SRPK2: variants seen among roughly 807,000 people sequenced by gnomAD.
The protein encoded by SRPK2 is SRSF protein kinase 2, also known as SFRS protein kinase 2.
In SRPK2, 21 loss-of-function variants were observed where a neutral mutation model predicts 90.8. The observed-to-expected ratio is 0.23, with a 90% CI of 0.16 to 0.33. The LOEUF is 0.33. Among genes scored for constraint, SRPK2 ranks in the 10% least tolerant of loss-of-function variants. The pLI, the probability that SRPK2 is intolerant of heterozygous loss-of-function variation, is 1.00. For synonymous variants in SRPK2, 288 were observed against 311.1 expected, an observed-to-expected ratio of 0.93 and a Z score of 0.78; for missense variants, 620 against 869.0, an observed-to-expected ratio of 0.71 and a Z score of 3.60.
In SRPK2 at chr7:105,367,205, G is replaced by C. The variant is rs1043217926; in HGVS notation, c.71+21443C>G. Among the ~76,000 whole-genome samples, 15 of 152,096 alleles carry C rather than the reference G, an allele frequency of 9.9e-5. No homozygotes were observed. In the East Asian group the frequency reaches 2.7e-3, roughly 27 times the overall value. ...CCTGGCAGAGATCACTTTTTACCAA[G>C]ATACGCAATTTACTGGAGACAAGCT... is the stretch of plus-strand genomic sequence containing the variant. On this transcript the variant is annotated intron_variant, in intron 2 of 15. Coordinates refer to ENST00000393651, the MANE Select transcript of SRPK2 (RefSeq NM_182692.3).
At chr7:105,326,285 C>T (rs1214891301) in intron 2 of SRPK2, among the ~76,000 whole-genome samples, 1 of 152,196 alleles carries the variant, frequency 6.6e-6, no homozygotes. Context: ...ACTTTTACCA[C>T]TCTATAATCC....
At chr7:105,384,972 G>A (rs1446829677) in intron 2 of SRPK2, among the ~76,000 whole-genome samples, 1 of 151,320 alleles carries the variant, frequency 6.6e-6, no homozygotes, top group African/African-American at 2.4e-5. Flanking sequence ...CGCCTCCCGG[G>A]TTCACGCCAT....
upstream of SRPK2, chr7:105,389,066 C>T (rs1237547606): frequency 4.1e-6 from 4 of 970,832 alleles, no homozygotes; most frequent in South Asian, 4.7e-5. Flanking sequence ...CCCGCCCCAC[C>T]CACCTGTGCA....
chr7:105,278,722 G>A (rs1013387618), intron 2 of SRPK2, among the ~76,000 whole-genome samples: 3 of 151,084 alleles, frequency 2.0e-5, no homozygotes, highest in Non-Finnish European at 4.4e-5. Flanking sequence ...GAGGAAAGGG[G>A]AAAGGGGGAA....
rs1282643423 is a variant in SRPK2, at chr7:105,385,168, G to A, written c.71+3480C>T. On this transcript the variant is annotated intron_variant, in intron 2 of 15. Transcript: ENST00000393651. ...ATTACAGGCGTGAGCCACCGCGCCC[G>A]GCATTTTTTTTTTTTTTTTTTTTTT... Among the ~76,000 whole-genome samples the A allele has an allele frequency of 5.2e-5, 6 of 116,140 alleles. 1 individual carries two copies. Among genetic ancestry groups the A allele is most frequent in the Admixed American group, 1.0e-4 (1 of 9,706 alleles). The allele number at this position is 116,140 out of a possible 152,430, so 76.2% of individuals were successfully genotyped here.
chr7:105,209,761 AAAG>A (rs1796635606), intron 2 of SRPK2, among the ~76,000 whole-genome samples: 1 of 152,062 alleles, frequency 6.6e-6, no homozygotes, highest in South Asian at 2.1e-4. Flanking sequence ...AGGAGAGAAA[AAAG>A]AAAAACACAG....
intron 2 of SRPK2, among the ~76,000 whole-genome samples, chr7:105,216,655 CAAAA>C (rs11337476): frequency 3.1e-5 from 4 of 130,672 alleles, no homozygotes; most frequent in Non-Finnish European, 1.7e-5. Context: ...ACCCTGTCTC[CAAAA>C]AAAAAAAAAA....
At chr7:105,281,262 A>G (rs1807295437) in intron 2 of SRPK2, among the ~76,000 whole-genome samples, 1 of 151,708 alleles carries the variant, frequency 6.6e-6, no homozygotes, top group South Asian at 2.1e-4. Flanking sequence ...ACGCCCAGCT[A>G]ATTTTTGTAT....
intron 15 of SRPK2, among the ~76,000 whole-genome samples, chr7:105,122,292 ACTT>A (rs1173296149): frequency 6.6e-6 from 1 of 152,224 alleles, no homozygotes; most frequent in South Asian, 2.1e-4. Flanking sequence ...TATAAATTGG[ACTT>A]CATCAAAATT....
At chr7:105,309,658 A>C (rs983882623) in intron 2 of SRPK2, among the ~76,000 whole-genome samples, 2 of 152,222 alleles carry the variant, frequency 1.3e-5, no homozygotes, top group Non-Finnish European at 2.9e-5. Context: ...GAGTGGCCAA[A>C]TAGTCACATT....
chr7:105,367,427 T>A (rs561175124), intron 2 of SRPK2, among the ~76,000 whole-genome samples: 2 of 152,038 alleles, frequency 1.3e-5, no homozygotes, highest in African/African-American at 4.8e-5. Context: ...TACACCCAGT[T>A]AATTTTTGTA....
chr7:105,200,672 T>A (rs924527592), intron 3 of SRPK2, among the ~76,000 whole-genome samples: 1 of 152,196 alleles, frequency 6.6e-6, no homozygotes, highest in Non-Finnish European at 1.5e-5. Context: ...AAATCAAACC[T>A]GTGTACCATC....
intron 13 of SRPK2, among the ~76,000 whole-genome samples, chr7:105,129,869 T>C (rs962396156): frequency 6.6e-6 from 1 of 152,168 alleles, no homozygotes; most frequent in Non-Finnish European, 1.5e-5. Flanking sequence ...GTATTTGTTC[T>C]GTAATGTGAC....
chr7:105,361,273 T>C (rs1473337249), intron 2 of SRPK2, among the ~76,000 whole-genome samples: 1 of 152,152 alleles, frequency 6.6e-6, no homozygotes, highest in African/African-American at 2.4e-5. Context: ...ACAAGGGATG[T>C]GAAGGACCTC....
At chr7:105,126,084 C>A (rs910034999) in intron 15 of SRPK2, among the ~76,000 whole-genome samples, 164 bp downstream of exon 15, 15 of 152,130 alleles carry the variant, frequency 9.9e-5, no homozygotes, top group African/African-American at 3.6e-4. Flanking sequence ...CAGCACAGGG[C>A]TAAATGTGGT....
intron 2 of SRPK2, among the ~76,000 whole-genome samples, chr7:105,331,369 T>C (rs1204447193): frequency 1.5e-5 from 2 of 133,554 alleles, no homozygotes; most frequent in Non-Finnish European, 3.2e-5. Context: ...ATCTGGATCA[T>C]ATTTCACACT....
intron 2 of SRPK2, among the ~76,000 whole-genome samples, chr7:105,248,858 A>G (rs796680572): frequency 2.6e-5 from 4 of 151,464 alleles, no homozygotes; most frequent in African/African-American, 9.7e-5. Context: ...CCCGGGAGGC[A>G]GAGCTTGCAA....
chr7:105,278,564 T>TA (rs1407583172), intron 2 of SRPK2, among the ~76,000 whole-genome samples: 4 of 149,546 alleles, frequency 2.7e-5, no homozygotes, highest in Admixed American at 2.7e-4. Flanking sequence ...CATGTGCCTG[T>TA]AGTCTGAGCT....
chr7:105,339,128 A>G (rs1815453407), intron 2 of SRPK2, among the ~76,000 whole-genome samples: 1 of 152,106 alleles, frequency 6.6e-6, no homozygotes, highest in South Asian at 2.1e-4. Flanking sequence ...CCTTTGATCC[A>G]TTCTTGCGTT....
Sources: gnomAD v4.1 joint callset for allele counts (sites outside exome capture counted in the v4.1 genomes callset) on GRCh38, gnomAD v4.1.1 for gene constraint, MANE v1.5 for transcripts, NCBI Gene and HGNC (gene_info 2026-07-23, HGNC 2026-07-21) for gene names.